The following MLIP variants were observed in gnomAD, a reference collection of about 807,000 sequenced individuals.
MLIP encodes the protein muscular LMNA-interacting protein.
In MLIP, 79 loss-of-function variants were observed where a neutral mutation model predicts 84.8. That is an observed-to-expected ratio of 0.93 (90% CI 0.78 to 1.12). MLIP has a LOEUF of 1.12. Among genes scored for constraint, MLIP ranks in the 50% most tolerant of loss-of-function variants. The pLI is 0.00. For synonymous variants in MLIP, 504 were observed against 463.0 expected (o/e 1.09, Z -1.14); for missense variants, 1,257 against 1,160.6 (o/e 1.08, Z -1.21).
chr6:54,247,852 C>A (rs1281084951), intron 12 of MLIP, among the ~76,000 whole-genome samples: 1 of 152,086 alleles, frequency 6.6e-6, no homozygotes, highest in Non-Finnish European at 1.5e-5. Context: ...GGAATGGGAT[C>A]TGGTACGGGG....
intron 5 of MLIP, among the ~76,000 whole-genome samples, chr6:54,155,967 A>C (rs1468619071): frequency 1.3e-5 from 2 of 152,040 alleles, no homozygotes; most frequent in Non-Finnish European, 2.9e-5. Context: ...TTTGGTAGAA[A>C]ATGTATATTT....
chr6:54,249,310 C>T (rs145906993), intron 12 of MLIP, among the ~76,000 whole-genome samples: 187 of 152,132 alleles, frequency 1.2e-3, no homozygotes, highest in African/African-American at 3.8e-3. Flanking sequence ...ATTAGATAGA[C>T]AAACTTGGGA....
chr6:54,138,266 C>T lies in MLIP; in HGVS notation c.2197C>T (p.Pro733Ser). 1 of 1,533,782 alleles carries T rather than the reference C, an allele frequency of 6.5e-7. No individual in the cohort carries two copies. Among genetic ancestry groups the T allele is most frequent in the Non-Finnish European group, 8.7e-7 (1 of 1,145,050 alleles). The change falls in exon 4 of 14, where the codon CCA (proline) becomes TCA (serine). Residue 733 changes from proline (P) to serine (S), a missense_variant. By Grantham distance (74) the Pro-to-Ser change is moderately conservative. Transcript: ENST00000502396. ...SPCALSMSTG[P>S]ENKKSKQYKT... ...TTGTGCATTGTCCATGTCAACAGGC[C>T]CAGAAAATAAGAAATCAAAGGTATT... is the stretch of plus-strand genomic sequence containing the variant.
At chr6:54,235,262 T>G (rs1225787089) in intron 12 of MLIP, among the ~76,000 whole-genome samples, 1 of 152,200 alleles carries the variant, frequency 6.6e-6, no homozygotes, top group African/African-American at 2.4e-5. Flanking sequence ...TATTTTCCTC[T>G]AGGCACACCT....
chr6:54,039,568 T>C (rs577930981), intron 1 of MLIP, among the ~76,000 whole-genome samples: 105 of 151,998 alleles, frequency 6.9e-4, no homozygotes, highest in African/African-American at 2.4e-3. Flanking sequence ...TCTGTGAATC[T>C]GGTTTCAAAT....
intron 1 of MLIP, among the ~76,000 whole-genome samples, chr6:54,072,649 T>C (rs1443254401): frequency 6.6e-6 from 1 of 152,128 alleles, no homozygotes; most frequent in Non-Finnish European, 1.5e-5. Flanking sequence ...TTCTGGAGTT[T>C]CCCAAGATTC....
intron 4 of MLIP, among the ~76,000 whole-genome samples, chr6:54,144,266 T>C (rs1772586280): frequency 6.6e-6 from 1 of 152,124 alleles, no homozygotes; most frequent in East Asian, 1.9e-4. Flanking sequence ...GAGCAGAAAG[T>C]GTACATGTAG....
In MLIP at chr6:54,265,957, G is replaced by A. The variant is rs780486813; in HGVS notation, c.*2G>A. ...TATTCTCTTATTTTACAGCAATGAA[G>A]TTGGAGCAGAGGCTGAAAACACAGG... On this transcript the variant is annotated 3_prime_UTR_variant, in exon 14 of 14. Coordinates refer to ENST00000502396, the MANE Select transcript of MLIP (RefSeq NM_001281747.2). 6.2e-7 allele frequency: 1 copy of A among 1,611,592 alleles called. No individual in the cohort carries two copies. The highest frequency in any genetic ancestry group is 8.5e-7 in the Non-Finnish European group (1 of 1,178,916).
intron 10 of MLIP, among the ~76,000 whole-genome samples, chr6:54,194,470 T>C (rs1263419268): frequency 1.3e-5 from 2 of 152,138 alleles, no homozygotes; most frequent in Non-Finnish European, 2.9e-5. Flanking sequence ...CATGAAATGG[T>C]TCTTGAGCCA....
intron 3 of MLIP, among the ~76,000 whole-genome samples, chr6:54,134,191 TG>T (rs1582233232): frequency 1.3e-5 from 2 of 152,184 alleles, no homozygotes; most frequent in Non-Finnish European, 2.9e-5. Context: ...GGACTGATTC[TG>T]AGCTACTGAC....
chr6:54,078,556 C>T (rs1766943106), intron 1 of MLIP, among the ~76,000 whole-genome samples: 1 of 152,134 alleles, frequency 6.6e-6, no homozygotes, highest in Admixed American at 6.5e-5. Context: ...TGCATTCCAG[C>T]CTGGGCAACA....
chr6:54,230,916 A>G lies in MLIP; in HGVS notation c.2921A>G (p.Lys974Arg). The G allele has an allele frequency of 6.2e-7, 1 of 1,613,880 alleles. No homozygotes were observed. The highest frequency in any genetic ancestry group is 8.5e-7 in the Non-Finnish European group (1 of 1,179,870). ...HTLLSHNACN[K>R]LSHPMVAIPE... ...CTCCTCAGTCACAACGCATGCAACA[A>G]GGTGAGAACTCCTCCCCAAAATGAG... Residue 974 changes from lysine to arginine, a missense_variant and splice_region_variant, in exon 12 of 14, where the codon AAG (lysine) becomes AGG (arginine). By Grantham distance (26) the Lys-to-Arg change is conservative. Coordinates refer to ENST00000502396, the MANE Select transcript of MLIP (RefSeq NM_001281747.2).
At chr6:54,075,997 A>G (rs1472792404) in intron 1 of MLIP, among the ~76,000 whole-genome samples, 27 of 152,200 alleles carry the variant, frequency 1.8e-4, no homozygotes, top group Non-Finnish European at 7.3e-5. Context: ...CAAATGGTAC[A>G]AAAAGCATGA....
At chr6:54,032,673 C>G (rs749280722) in intron 1 of MLIP, among the ~76,000 whole-genome samples, 38 of 152,192 alleles carry the variant, frequency 2.5e-4, no homozygotes, top group Admixed American at 6.5e-4. Flanking sequence ...CCTGCCTCAG[C>G]CTCCTGAGTA....
At chr6:54,142,108 G>T (rs899733109) in intron 4 of MLIP, among the ~76,000 whole-genome samples, 2 of 152,178 alleles carry the variant, frequency 1.3e-5, no homozygotes, top group African/African-American at 2.4e-5. Flanking sequence ...GAGCAATATG[G>T]AATGTGTCTG....
At chr6:54,254,317 G>A (rs936989703) in intron 12 of MLIP, among the ~76,000 whole-genome samples, 2 of 151,622 alleles carry the variant, frequency 1.3e-5, no homozygotes, top group African/African-American at 4.8e-5. Context: ...AGTAGAGATG[G>A]GGTTTTACCA....
intron 1 of MLIP, among the ~76,000 whole-genome samples, chr6:54,068,647 A>T (rs1316281060): frequency 9.9e-6 from 1 of 101,368 alleles, no homozygotes; most frequent in East Asian, 2.6e-4. Context: ...AAAATAATGA[A>T]GTACTTTCTG....
intron 1 of MLIP, chr6:54,028,811 C>T (rs1386816906): frequency 6.6e-6 from 1 of 152,160 alleles, no homozygotes; most frequent in Non-Finnish European, 1.5e-5. Context: ...ACAGTCATGC[C>T]TTTGCCTTTG....
At chr6:54,204,722 T>C (rs1029845340) in intron 11 of MLIP, among the ~76,000 whole-genome samples, 5 of 152,352 alleles carry the variant, frequency 3.3e-5, no homozygotes, top group Non-Finnish European at 2.9e-5. Flanking sequence ...TTTCTTTTCG[T>C]TGCTTTTTCT....
Sources: gnomAD v4.1 joint callset for allele counts (sites outside exome capture counted in the v4.1 genomes callset) on GRCh38, gnomAD v4.1.1 for gene constraint, MANE v1.5 for transcripts, NCBI Gene and HGNC (gene_info 2026-07-23, HGNC 2026-07-21) for gene names.